BCL11A: variants seen among roughly 807,000 people sequenced by gnomAD.
BCL11A encodes B cell CLL/lymphoma 11A.
Under a neutral mutation model 55.9 loss-of-function variants are expected in BCL11A, and 2 were observed. That is an observed-to-expected ratio of 0.04 (90% confidence interval 0.01 to 0.11). BCL11A has a LOEUF of 0.11. Among genes scored for constraint, BCL11A ranks in the 10% least tolerant of loss-of-function variants. The pLI, the probability that BCL11A is intolerant of heterozygous loss-of-function variation, is 1.00. For missense variants in BCL11A, 817 were observed against 1,137.1 expected (o/e 0.72, Z 4.05); for synonymous variants, 465 against 473.4 (o/e 0.98, Z 0.23).
At chr2:60,452,740 C>T, downstream of BCL11A, 1 of 1,179,720 alleles carries the variant, frequency 8.5e-7, no homozygotes, top group East Asian at 2.4e-5. Flanking sequence ...ATTTTCTGTT[C>T]TCTAACTAGC....
intron 2 of BCL11A, among the ~76,000 whole-genome samples, chr2:60,483,231 C>T (rs576789122): frequency 1.3e-5 from 2 of 152,284 alleles, no homozygotes; most frequent in East Asian, 3.9e-4. Context: ...GGTTTACAGC[C>T]GTTTTCCCCT....
At chr2:60,519,533 C>A (rs138231460) in intron 2 of BCL11A, among the ~76,000 whole-genome samples, 2 of 128,256 alleles carry the variant, frequency 1.6e-5, no homozygotes, top group African/African-American at 5.3e-5. Flanking sequence ...AAAATAAGGT[C>A]CTCACTTGCC....
At chr2:60,548,597 G>T (rs2104767340) in intron 1 of BCL11A, among the ~76,000 whole-genome samples, 1 of 152,222 alleles carries the variant, frequency 6.6e-6, no homozygotes, top group South Asian at 2.1e-4. Context: ...AAAATAACAA[G>T]ATGATCAAAT....
chr2:60,479,743 G>A (rs1677845494), intron 2 of BCL11A, among the ~76,000 whole-genome samples: 1 of 152,202 alleles, frequency 6.6e-6, no homozygotes, highest in Admixed American at 6.5e-5. Flanking sequence ...AAAGAGTCAA[G>A]GGTCTGTCAC....
chr2:60,539,262 C>A (rs1397177350), intron 2 of BCL11A, among the ~76,000 whole-genome samples: 1 of 152,310 alleles, frequency 6.6e-6, no homozygotes, highest in East Asian at 1.9e-4. Flanking sequence ...CCCATCTGAG[C>A]GGCACCTGAG....
intron 2 of BCL11A, among the ~76,000 whole-genome samples, chr2:60,532,332 T>G (rs1211724944): frequency 2.6e-5 from 4 of 151,928 alleles, no homozygotes; most frequent in South Asian, 2.1e-4. Flanking sequence ...TTTTGGGTTT[T>G]TTTTTTTTTC....
At chr2:60,462,546 C>T (rs1676376882) in intron 3 of BCL11A, 122 bp from the exon 4 acceptor site, 1 of 1,448,856 alleles carries the variant, frequency 6.9e-7, no homozygotes, top group Non-Finnish European at 9.1e-7. Flanking sequence ...GGCCTAAGCC[C>T]TCACTGACCT....
At chr2:60,505,431 C>T (rs1054245928) in intron 2 of BCL11A, among the ~76,000 whole-genome samples, 1 of 152,220 alleles carries the variant, frequency 6.6e-6, no homozygotes, top group Non-Finnish European at 1.5e-5. Context: ...AATCACTCAT[C>T]AGGTAGTCAG....
Position 60,470,792 on chromosome 2 carries a change from G to GTTTGTT in BCL11A, c.386-1965_386-1960dup, listed in dbSNP as rs906894492. ...TCTCATCTGACTATCTGGCAGCATAGTTTGTTTTTGTTTTTGTTTTTGTTT... is the reference window on the plus strand; with the variant it reads ...TCTCATCTGACTATCTGGCAGCATAGTTTGTTTTTGTTTTTGTTTTTGTTTTTGTTT... On this transcript the variant is annotated intron_variant, in intron 2 of 3. Transcript: ENST00000642384. Among the ~76,000 whole-genome samples the GTTTGTT allele has an allele frequency of 7.0e-4, 107 of 152,280 alleles. 1 individual carries two copies. The highest frequency in any genetic ancestry group is 3.4e-3 in the Middle Eastern group (1 of 294).
At chr2:60,465,451 G>A (rs1430465470) in intron 3 of BCL11A, among the ~76,000 whole-genome samples, 1 of 152,192 alleles carries the variant, frequency 6.6e-6, no homozygotes, top group East Asian at 1.9e-4. Flanking sequence ...ATAGGAACTT[G>A]AGACATCAAA....
At chr2:60,549,168 G>A (rs1164758898) in intron 1 of BCL11A, among the ~76,000 whole-genome samples, 1 of 152,138 alleles carries the variant, frequency 6.6e-6, no homozygotes, top group Admixed American at 6.5e-5. Flanking sequence ...ATGCTTCTAC[G>A]TTCAAACAGC....
intron 2 of BCL11A, among the ~76,000 whole-genome samples, chr2:60,473,761 G>T (rs1251767201): frequency 6.6e-6 from 1 of 152,200 alleles, no homozygotes; most frequent in Non-Finnish European, 1.5e-5. Flanking sequence ...GACTTGAGTT[G>T]TGTCAATCTG....
intron 1 of BCL11A, chr2:60,550,883 C>G: frequency 2.5e-6 from 1 of 398,456 alleles, no homozygotes; most frequent in Non-Finnish European, 4.4e-6. Flanking sequence ...CGGGCTGTAA[C>G]TTCACACCGC....
chr2:60,452,467 TC>T, downstream of BCL11A: 1 of 918,842 alleles, frequency 1.1e-6, no homozygotes. Flanking sequence ...CACAACGGCT[TC>T]TTGGAGGCTA....
downstream of BCL11A, among the ~76,000 whole-genome samples, chr2:60,454,728 G>C (rs1177341135): frequency 1.3e-5 from 2 of 152,176 alleles, no homozygotes; most frequent in African/African-American, 4.8e-5. Context: ...AATAATCCCA[G>C]TACCTTTCAG....
At chr2:60,530,739 G>A (rs1184889525) in intron 2 of BCL11A, among the ~76,000 whole-genome samples, 1 of 149,412 alleles carries the variant, frequency 6.7e-6, no homozygotes, top group Admixed American at 6.7e-5. Context: ...CTGGGGCCCT[G>A]ACACGCTCTC....
At position 60,553,222 on chromosome 2, in the gene BCL11A, A is replaced by C; in HGVS notation, c.49T>G (p.Phe17Val). The C allele has an allele frequency of 6.2e-7, 1 of 1,602,346 alleles. No individual in the cohort carries two copies. ...GKPQHLSKREFSPEPLEAILT... is the reference protein window; with the variant it reads ...GKPQHLSKREVSPEPLEAILT... ...CTATTATTGGGTTACTTACGCGAGA[A>C]TTCCCGTTTGCTTAAGTGCTGGGGT... Residue 17 changes from phenylalanine to valine, a missense_variant, in exon 1 of 4, where the codon TTC (phenylalanine) becomes GTC (valine). Phe to Val is a conservative substitution (Grantham distance 50). Around this residue, in one of 4 missense-constraint regions of BCL11A, gnomAD observed 363 missense variants for 486.6 expected, o/e 0.75. Coordinates refer to ENST00000642384, the MANE Select transcript of BCL11A (RefSeq NM_022893.4).
intron 2 of BCL11A, among the ~76,000 whole-genome samples, chr2:60,505,073 T>C (rs116809975): frequency 0.011 from 1,743 of 152,204 alleles, 27 homozygotes; most frequent in African/African-American, 0.04. Context: ...TCAACTACCC[T>C]TTCTCCTGCC....
intron 2 of BCL11A, among the ~76,000 whole-genome samples, chr2:60,501,554 G>A (rs1015220389): frequency 6.8e-6 from 1 of 147,862 alleles, no homozygotes; most frequent in Non-Finnish European, 1.5e-5. Context: ...TTGTTGCCCA[G>A]GCTGGGGTGC....
Sources: allele counts gnomAD v4.1 joint callset (sites outside exome capture counted in the v4.1 genomes callset), GRCh38; gene constraint gnomAD v4.1.1; regional missense constraint gnomAD v4.1.1; transcripts MANE v1.5; gene names NCBI Gene and HGNC (gene_info 2026-07-23, HGNC 2026-07-21).